CACNB2: variants seen among roughly 807,000 people sequenced by gnomAD.
The protein encoded by CACNB2 is voltage-dependent L-type calcium channel subunit beta-2.
A neutral mutation model predicts 73.3 loss-of-function variants in CACNB2; 42 were observed. The observed-to-expected ratio is 0.57, with a 90% CI of 0.45 to 0.74. The LOEUF (loss-of-function observed/expected upper bound fraction) is 0.74, where lower values mean the gene tolerates loss of function less well. Among genes scored for constraint, CACNB2 ranks in the 30% least tolerant of loss-of-function variants. The pLI is 0.00. For synonymous variants in CACNB2, 348 were observed against 310.3 expected, an observed-to-expected ratio of 1.12 and a Z score of -1.28; for missense variants, 940 against 853.0, an observed-to-expected ratio of 1.10 and a Z score of -1.27.
At chr10:18,518,203 G>A (rs2051470486) in intron 7 of CACNB2, 133 bp from the exon 8 acceptor site, 2 of 741,250 alleles carry the variant, frequency 2.7e-6, no homozygotes, top group East Asian at 2.5e-5. Flanking sequence ...GTAGAAAAGA[G>A]GCAAGTGGGG....
At chr10:18,150,853 G>GTCTTTTTTTTTTTTTTTT in intron 1 of CACNB2, 30 bp from the exon 2 acceptor site, 2 of 655,042 alleles carry the variant, frequency 3.1e-6, no homozygotes, top group South Asian at 2.3e-5. Flanking sequence ...AATCTTATTT[G>GTCTTTTTTTTTTTTTTTT]TCTTTTTTTT....
At chr10:18,173,639 C>T (rs1373063954) in intron 2 of CACNB2, among the ~76,000 whole-genome samples, 3 of 152,094 alleles carry the variant, frequency 2.0e-5, no homozygotes, top group Admixed American at 1.3e-4. Flanking sequence ...ATTTTTTTTG[C>T]TCTTGGAATT....
At chr10:18,491,421 A>C (rs928414408) in intron 3 of CACNB2, among the ~76,000 whole-genome samples, 1 of 152,186 alleles carries the variant, frequency 6.6e-6, no homozygotes. Flanking sequence ...TCATCTCTTC[A>C]AAAAGTAAAA....
chr10:18,277,292 C>T (rs769064795), intron 2 of CACNB2, among the ~76,000 whole-genome samples: 8 of 152,184 alleles, frequency 5.3e-5, no homozygotes, highest in Non-Finnish European at 7.3e-5. Context: ...AGGCAACACC[C>T]TTTAAGACAG....
intron 3 of CACNB2, among the ~76,000 whole-genome samples, chr10:18,469,323 T>G (rs1185032937): frequency 6.6e-6 from 1 of 152,228 alleles, no homozygotes; most frequent in Non-Finnish European, 1.5e-5. Context: ...ACATCGCCAT[T>G]GGATGGGTTG....
intron 3 of CACNB2, among the ~76,000 whole-genome samples, chr10:18,432,450 CTGTG>C (rs57188373): frequency 0.26 from 39,381 of 150,402 alleles, 5,715 homozygotes; most frequent in East Asian, 0.53. Flanking sequence ...GTGTGTGTCT[CTGTG>C]TGTGTGTGTG....
chr10:18,141,936 T>C (rs897626748), intron 1 of CACNB2, among the ~76,000 whole-genome samples: 2 of 152,224 alleles, frequency 1.3e-5, no homozygotes, highest in South Asian at 2.1e-4. Context: ...CGGTAAGATA[T>C]ATATGTGTGT....
intron 2 of CACNB2, among the ~76,000 whole-genome samples, chr10:18,286,462 A>G (rs993900391): frequency 5.7e-5 from 8 of 140,072 alleles, no homozygotes; most frequent in Middle Eastern, 7.0e-3. Context: ...AGCTTGCAGC[A>G]AGCCGAGATA....
chr10:18,464,349 C>G (rs1348257644), intron 3 of CACNB2, among the ~76,000 whole-genome samples: 1 of 143,390 alleles, frequency 7.0e-6, no homozygotes, highest in Admixed American at 7.4e-5. Flanking sequence ...GAGGTCGAGG[C>G]TGCAGTGAGC....
chr10:18,318,256 G>C (rs2040268492), intron 2 of CACNB2, among the ~76,000 whole-genome samples: 1 of 152,148 alleles, frequency 6.6e-6, no homozygotes, highest in Admixed American at 6.5e-5. Context: ...AAAACAGCAT[G>C]GTACTGGTAC....
At chr10:18,417,961 A>G (rs1167370405) in intron 3 of CACNB2, among the ~76,000 whole-genome samples, 1 of 152,234 alleles carries the variant, frequency 6.6e-6, no homozygotes, top group Non-Finnish European at 1.5e-5. Flanking sequence ...TACAGCAGCC[A>G]AAAATATAAA....
intron 3 of CACNB2, among the ~76,000 whole-genome samples, chr10:18,475,455 G>A (rs1002814212): frequency 5.3e-5 from 8 of 152,136 alleles, no homozygotes; most frequent in African/African-American, 1.9e-4. Context: ...TTAACACTTT[G>A]GAGAGTATAA....
chr10:18,400,808 C>G, intron 2 of CACNB2: 5 of 1,438,388 alleles, frequency 3.5e-6, no homozygotes, highest in Non-Finnish European at 4.5e-6. Context: ...ATAAAGCACT[C>G]GAGTGTGTGT....
At chr10:18,358,776 A>G (rs924209612) in intron 2 of CACNB2, among the ~76,000 whole-genome samples, 2 of 152,206 alleles carry the variant, frequency 1.3e-5, no homozygotes, top group African/African-American at 2.4e-5. Flanking sequence ...ATTGCCCTTA[A>G]GAAACAAACA....
At chr10:18,503,463 G>A (rs1298732037) in intron 5 of CACNB2, among the ~76,000 whole-genome samples, 2 of 152,126 alleles carry the variant, frequency 1.3e-5, no homozygotes, top group Non-Finnish European at 2.9e-5. Context: ...GGGTGTGGTG[G>A]TGCACACCTG....
chr10:18,525,176 ATCTT>A (rs1488694628), intron 9 of CACNB2, among the ~76,000 whole-genome samples: 7 of 151,936 alleles, frequency 4.6e-5, no homozygotes, highest in African/African-American at 7.3e-5. Context: ...TGCAGTGTAG[ATCTT>A]TCTTTCTGTG....
chr10:18,474,777 C>T (rs1409203), intron 3 of CACNB2, among the ~76,000 whole-genome samples: 19,798 of 151,948 alleles, frequency 0.13, 1,407 homozygotes, highest in Admixed American at 0.18. Flanking sequence ...TTGTTTTCCC[C>T]CCCAACAGCA....
chr10:18,435,705 G>A (rs2046098838), intron 3 of CACNB2, among the ~76,000 whole-genome samples: 1 of 152,028 alleles, frequency 6.6e-6, no homozygotes, highest in Non-Finnish European at 1.5e-5. Flanking sequence ...TCGCCATGTT[G>A]CCCAGGCTGG....
intron 2 of CACNB2, among the ~76,000 whole-genome samples, chr10:18,201,615 A>G (rs1277684182): frequency 2.0e-5 from 3 of 152,212 alleles, no homozygotes; most frequent in Non-Finnish European, 2.9e-5. Flanking sequence ...TTACATATTT[A>G]TAAGGTACAT....
Sources: gnomAD v4.1 joint callset for allele counts (sites outside exome capture counted in the v4.1 genomes callset) on GRCh38, gnomAD v4.1.1 for gene constraint, MANE v1.5 for transcripts, NCBI Gene and HGNC (gene_info 2026-07-23, HGNC 2026-07-21) for gene names.